The following LRRC4C variants were observed in gnomAD, a reference collection of about 807,000 sequenced individuals.
LRRC4C encodes the protein leucine rich repeat containing 4C, also known as leucine-rich repeat-containing protein 4C.
In LRRC4C, 5 loss-of-function variants were observed where a neutral mutation model predicts 33.6. The ratio of observed to expected loss-of-function variants is 0.15; its 90% CI spans 0.08 to 0.31. LRRC4C has a LOEUF of 0.31. LRRC4C is among the 10% of genes least tolerant of loss of function. LRRC4C has a pLI of 1.00. For missense variants in LRRC4C, 560 were observed against 796.7 expected (o/e 0.70, Z 3.58); for synonymous variants, 329 against 302.0 (o/e 1.09, Z -0.93).
chr11:40,346,417 G>C (rs1471764346), intron 3 of LRRC4C, among the ~76,000 whole-genome samples: 1 of 152,180 alleles, frequency 6.6e-6, no homozygotes, highest in African/African-American at 2.4e-5. Context: ...GAAGGAGCTA[G>C]AGGCCATTAT....
At chr11:40,675,187 G>A (rs1295721156) in intron 2 of LRRC4C, among the ~76,000 whole-genome samples, 2 of 152,126 alleles carry the variant, frequency 1.3e-5, no homozygotes, top group Non-Finnish European at 2.9e-5. Context: ...TTTACCAGGA[G>A]TTGTAGCATG....
chr11:41,377,240 T>C (rs1591382853), intron 1 of LRRC4C, among the ~76,000 whole-genome samples: 1 of 152,186 alleles, frequency 6.6e-6, no homozygotes, highest in East Asian at 1.9e-4. Context: ...TTAACACTTT[T>C]GTGTGTCAGG....
At chr11:41,432,582 A>G (rs750846931) in intron 1 of LRRC4C, among the ~76,000 whole-genome samples, 2 of 152,178 alleles carry the variant, frequency 1.3e-5, no homozygotes, top group Admixed American at 6.6e-5. Context: ...TATGATTCTC[A>G]AAGTGGAGAA....
intron 5 of LRRC4C, among the ~76,000 whole-genome samples, chr11:40,173,849 C>G (rs550768973): frequency 6.0e-4 from 91 of 152,266 alleles, no homozygotes; most frequent in Non-Finnish European, 4.4e-5. Context: ...TATTTCTAAA[C>G]CAAGGTATTC....
intron 2 of LRRC4C, among the ~76,000 whole-genome samples, chr11:40,671,445 C>A (rs1031124271): frequency 7.9e-5 from 12 of 152,132 alleles, no homozygotes; most frequent in Non-Finnish European, 8.8e-5. Context: ...GATTGGGAAG[C>A]AGATAGAGAA....
At chr11:40,832,170 T>C (rs1466193736) in intron 2 of LRRC4C, among the ~76,000 whole-genome samples, 1 of 152,078 alleles carries the variant, frequency 6.6e-6, no homozygotes, top group Non-Finnish European at 1.5e-5. Context: ...CTCTACTGCA[T>C]AGTGTACACC....
intron 4 of LRRC4C, among the ~76,000 whole-genome samples, chr11:40,309,565 G>A (rs148305557): frequency 8.3e-4 from 122 of 147,190 alleles, no homozygotes; most frequent in African/African-American, 2.9e-3. Flanking sequence ...GAGTGCAATT[G>A]CACAATCTCA....
At chr11:40,375,972 A>C (rs1222956115) in intron 3 of LRRC4C, among the ~76,000 whole-genome samples, 1 of 152,170 alleles carries the variant, frequency 6.6e-6, no homozygotes, top group African/African-American at 2.4e-5. Flanking sequence ...TTTGAACTTC[A>C]ATCATATAAT....
rs556476052 is a variant in LRRC4C at position 41,171,509 on chromosome 11, C to A, written c.-495-237786G>T. ...AGAAAGCTATCGGAAGGACAAAAAA[C>A]CAAACACTGCATGTTCTCACTCATA... On this transcript the variant is annotated intron_variant, in intron 1 of 6. Transcript: ENST00000528697. Among the ~76,000 whole-genome samples the A allele has an allele frequency of 5.3e-5, 8 of 151,212 alleles. No homozygotes were observed. In the East Asian group the frequency reaches 1.6e-3, roughly 30 times the overall value.
chr11:41,274,679 A>G (rs963071545), intron 1 of LRRC4C, among the ~76,000 whole-genome samples: 8 of 152,258 alleles, frequency 5.3e-5, no homozygotes, highest in Admixed American at 2.6e-4. Context: ...CCCAGCCAGC[A>G]GTGGCAACCT....
chr11:40,431,892 C>T (rs929798710), intron 3 of LRRC4C, among the ~76,000 whole-genome samples: 5 of 152,260 alleles, frequency 3.3e-5, no homozygotes, highest in South Asian at 2.1e-4. Flanking sequence ...TATCATAACT[C>T]GCAGTACTGA....
chr11:40,288,950 A>T (rs556037613), intron 4 of LRRC4C, among the ~76,000 whole-genome samples: 2 of 152,224 alleles, frequency 1.3e-5, no homozygotes, highest in Non-Finnish European at 2.9e-5. Context: ...CCAAAAACAC[A>T]CACAGCACAT....
intron 2 of LRRC4C, among the ~76,000 whole-genome samples, chr11:40,843,420 TC>T (rs1306314749): frequency 6.6e-6 from 1 of 152,088 alleles, no homozygotes; most frequent in Non-Finnish European, 1.5e-5. Context: ...CCTACTAGCA[TC>T]CCTTTTTCAT....
chr11:40,210,830 T>C (rs895339871), intron 5 of LRRC4C, among the ~76,000 whole-genome samples: 6 of 152,224 alleles, frequency 3.9e-5, no homozygotes, highest in Admixed American at 3.3e-4. Flanking sequence ...TGGAGTGCAG[T>C]GGCATCATCT....
intron 3 of LRRC4C, among the ~76,000 whole-genome samples, chr11:40,326,389 C>T (rs1946103733): frequency 6.6e-6 from 1 of 151,966 alleles, no homozygotes; most frequent in Admixed American, 6.6e-5. Context: ...TGGTGAAACC[C>T]AGTCTCTACT....
chr11:40,836,638 T>C, intron 2 of LRRC4C, among the ~76,000 whole-genome samples: 1 of 152,160 alleles, frequency 6.6e-6, no homozygotes, highest in East Asian at 1.9e-4. Flanking sequence ...GGTTTTGCTG[T>C]TGTTGTTTAA....
intron 2 of LRRC4C, among the ~76,000 whole-genome samples, chr11:40,892,701 T>C (rs1029643090): frequency 6.6e-6 from 1 of 152,170 alleles, no homozygotes; most frequent in Non-Finnish European, 1.5e-5. Flanking sequence ...AAAACAAATA[T>C]TGTTTTGCTT....
intron 3 of LRRC4C, among the ~76,000 whole-genome samples, chr11:40,631,217 C>G (rs7927074): frequency 2.0e-5 from 3 of 152,096 alleles, no homozygotes; most frequent in Non-Finnish European, 4.4e-5. Context: ...ACTCTTATCA[C>G]GGTTAAAAAT....
At chr11:41,126,118 G>A (rs568998887) in intron 1 of LRRC4C, among the ~76,000 whole-genome samples, 1 of 152,046 alleles carries the variant, frequency 6.6e-6, no homozygotes, top group African/African-American at 2.4e-5. Context: ...GTTGATAGGT[G>A]CAGCAAACCA....
Sources: gnomAD v4.1 joint callset for allele counts (sites outside exome capture counted in the v4.1 genomes callset) on GRCh38, gnomAD v4.1.1 for gene constraint, MANE v1.5 for transcripts, NCBI Gene and HGNC (gene_info 2026-07-23, HGNC 2026-07-21) for gene names.